The following MYPN variants were observed in gnomAD, a reference collection of about 807,000 sequenced individuals.
The protein encoded by MYPN is sarcomeric protein myopalladin, 145 kDa (MYOP).
MYPN carries 63 observed loss-of-function variants against 129.4 expected under a neutral mutation model. The observed-to-expected ratio is 0.49, with a 90% CI of 0.40 to 0.60. The LOEUF (loss-of-function observed/expected upper bound fraction) is 0.60. Among genes scored for constraint, MYPN ranks in the 20% least tolerant of loss-of-function variants. The probability of loss-of-function intolerance (pLI) is 0.00; values close to 1 mark genes in which losing one functional copy is unlikely to be tolerated. For missense variants in MYPN, 1,596 were observed against 1,635.4 expected (o/e 0.98, Z 0.42); for synonymous variants, 629 against 600.9 (o/e 1.05, Z -0.68).
rs1269958547 is a variant in MYPN, at chr10:68,149,905, T to C, written c.1246-135T>C. 1.6e-5 allele frequency: 12 copies of C among 773,828 alleles called. No homozygotes were observed. The Admixed American group carries it at 2.4e-4, about 15-fold the overall frequency. 47.9% of individuals were successfully genotyped at this position (773,828 alleles called of 1,614,324 possible). A position where few individuals can be genotyped will look rare whatever the true frequency, so the allele number is the denominator to read the frequency against. Reference sequence around the variant, plus strand: ...TCAGTCTAAAATTTGAAGTCTGTGATTCATAAACTTAGAATACATCAGTTT... The same window carrying C: ...TCAGTCTAAAATTTGAAGTCTGTGACTCATAAACTTAGAATACATCAGTTT... On this transcript the variant is annotated intron_variant, in intron 5 of 19. Transcript: ENST00000358913.
intron 1 of MYPN, among the ~76,000 whole-genome samples, chr10:68,096,757 A>G (rs1215672953): frequency 6.6e-6 from 1 of 152,198 alleles, no homozygotes; most frequent in East Asian, 1.9e-4. Flanking sequence ...AGTCTATTAG[A>G]CAATTCACGA....
At chr10:68,125,893 T>A (rs1468462630) in intron 2 of MYPN, among the ~76,000 whole-genome samples, 1 of 152,180 alleles carries the variant, frequency 6.6e-6, no homozygotes, top group African/African-American at 2.4e-5. Flanking sequence ...TCTGAGAGGG[T>A]GGCTCACAAT....
At chr10:68,149,883 G>A (rs2134096575) in intron 5 of MYPN, among the ~76,000 whole-genome samples, 157 bp from the exon 6 acceptor site, 1 of 152,250 alleles carries the variant, frequency 6.6e-6, no homozygotes, top group Non-Finnish European at 1.5e-5. Flanking sequence ...AGTCAATTCA[G>A]TCTAAAATTT....
At chr10:68,149,490 A>C (rs1480514394) in intron 5 of MYPN, among the ~76,000 whole-genome samples, 1 of 152,138 alleles carries the variant, frequency 6.6e-6, no homozygotes, top group East Asian at 1.9e-4. Flanking sequence ...TGTAGAGACG[A>C]GATCTCACTG....
Position 68,193,797 on chromosome 10 carries a change from G to GCACACACACA in MYPN, c.2926-533_2926-524dup, listed in dbSNP as rs368376657. ...GAAATATATAGATAGATGTGTATGT[G>GCACACACACA]CACACACACACACACACACACACAC... On this transcript the variant is annotated intron_variant, in intron 13 of 19. Transcript: ENST00000358913. 1.5e-3 allele frequency among the ~76,000 whole-genome samples: 196 copies of GCACACACACA among 127,694 alleles called. 2 individuals carry two copies. Among genetic ancestry groups the GCACACACACA allele is most frequent in the East Asian group, 0.011 (50 of 4,576 alleles). The allele number at this position is 127,694 out of a possible 152,430, so 83.8% of individuals were successfully genotyped here.
At chr10:68,095,837 G>A (rs1228118849) in intron 1 of MYPN, among the ~76,000 whole-genome samples, 1 of 152,110 alleles carries the variant, frequency 6.6e-6, no homozygotes, top group Non-Finnish European at 1.5e-5. Flanking sequence ...GGAGGTGGGT[G>A]GTGACAATGG....
At chr10:68,112,135 C>T (rs2133966066) in intron 1 of MYPN, among the ~76,000 whole-genome samples, 1 of 152,294 alleles carries the variant, frequency 6.6e-6, no homozygotes, top group African/African-American at 2.4e-5. Flanking sequence ...TATAAAACCT[C>T]CTATGCCTAT....
intron 2 of MYPN, among the ~76,000 whole-genome samples, chr10:68,141,614 C>G (rs912680245): frequency 6.6e-6 from 1 of 152,174 alleles, no homozygotes; most frequent in Non-Finnish European, 1.5e-5. Context: ...CTGTCCTTAT[C>G]CATCTTGTTT....
At chr10:68,177,730 G>A (rs745662913) in intron 12 of MYPN, among the ~76,000 whole-genome samples, 1 of 152,176 alleles carries the variant, frequency 6.6e-6, no homozygotes, top group Non-Finnish European at 1.5e-5. Flanking sequence ...GTCTAGGCCT[G>A]CAGTCCGGGG....
At chr10:68,175,506 G>A in intron 12 of MYPN, 45 bp downstream of exon 12, 1 of 1,608,922 alleles carries the variant, frequency 6.2e-7, no homozygotes, top group Non-Finnish European at 8.5e-7. Flanking sequence ...TTTATTGTAA[G>A]GAATTTAATT....
At chr10:68,126,734 A>G (rs983348977) in intron 2 of MYPN, among the ~76,000 whole-genome samples, 21 of 152,182 alleles carry the variant, frequency 1.4e-4, no homozygotes, top group African/African-American at 5.1e-4. Context: ...ATGGACTGAG[A>G]TAAGGGAAGA....
intron 1 of MYPN, among the ~76,000 whole-genome samples, chr10:68,097,956 C>T (rs983900240): frequency 6.6e-6 from 1 of 152,088 alleles, no homozygotes; most frequent in Non-Finnish European, 1.5e-5. Flanking sequence ...TTAAAGATCT[C>T]AATTTTAGGC....
chr10:68,172,794 C>T (rs1177293339), intron 10 of MYPN, among the ~76,000 whole-genome samples: 4 of 152,104 alleles, frequency 2.6e-5, no homozygotes, highest in Admixed American at 6.6e-5. Flanking sequence ...ATGTCAGGGC[C>T]GGGCACGGTG....
rs367673718 is a variant in MYPN at position 68,212,002 on chromosome 10, T to C, written c.*1547T>C. 1.3e-4 allele frequency: 45 copies of C among 358,322 alleles called. No individual in the cohort carries two copies. The highest frequency in any genetic ancestry group is 8.8e-4 in the African/African-American group (41 of 46,844). 22.2% of individuals were successfully genotyped at this position (358,322 alleles called of 1,614,324 possible). The stretch of plus-strand genomic sequence containing the variant: ...AAGGATTTCCAGCATAAAAATAAAT[T>C]CATTCACTGGAGAAATCATTTGTAT... On this transcript the variant is annotated 3_prime_UTR_variant, in exon 20 of 20. Transcript: ENST00000358913.
chr10:68,116,871 T>G (rs28583494), intron 1 of MYPN, among the ~76,000 whole-genome samples: 1 of 152,232 alleles, frequency 6.6e-6, no homozygotes. Context: ...TTTTTCTTTG[T>G]GTCTATAAGT....
chr10:68,096,899 CAA>C (rs1218635200), intron 1 of MYPN, among the ~76,000 whole-genome samples: 1 of 152,144 alleles, frequency 6.6e-6, no homozygotes, highest in Non-Finnish European at 1.5e-5. Flanking sequence ...TCAGATAATA[CAA>C]GAGATATATC....
intron 2 of MYPN, 46 bp downstream of exon 2, chr10:68,122,386 T>C: frequency 6.3e-7 from 1 of 1,585,726 alleles, no homozygotes; most frequent in Non-Finnish European, 8.6e-7. Context: ...GCTTTCCATC[T>C]ACCATGACCC....
intron 18 of MYPN, 54 bp from the exon 19 acceptor site, chr10:68,206,715 CA>C: frequency 1.2e-6 from 2 of 1,612,732 alleles, no homozygotes; most frequent in Non-Finnish European, 1.7e-6. Flanking sequence ...CTAAATTTGA[CA>C]AAGGCATTTC....
intron 1 of MYPN, among the ~76,000 whole-genome samples, chr10:68,095,684 G>C (rs1185808538): frequency 6.6e-6 from 1 of 152,188 alleles, no homozygotes; most frequent in African/African-American, 2.4e-5. Flanking sequence ...ATAAGCATAG[G>C]TTATATGGAA....
Sources: gnomAD v4.1 joint callset for allele counts (sites outside exome capture counted in the v4.1 genomes callset) on GRCh38, gnomAD v4.1.1 for gene constraint, MANE v1.5 for transcripts, NCBI Gene and HGNC (gene_info 2026-07-23, HGNC 2026-07-21) for gene names.